The following DYNC2H1 variants were observed in gnomAD, a reference collection of about 807,000 sequenced individuals.
The protein encoded by DYNC2H1 is cytoplasmic dynein 2 heavy chain 1.
Under a neutral mutation model 570.0 loss-of-function variants are expected in DYNC2H1, and 410 were observed. That is an observed-to-expected ratio of 0.72 (90% confidence interval 0.66 to 0.78). DYNC2H1 has a LOEUF of 0.78. DYNC2H1 is among the 30% of genes least tolerant of loss of function. DYNC2H1 has a pLI of 0.00. For missense variants in DYNC2H1, 4,865 were observed against 5,046.4 expected, an observed-to-expected ratio of 0.96 and a Z score of 1.09; for synonymous variants, 1,688 against 1,677.6, an observed-to-expected ratio of 1.01 and a Z score of -0.15.
At chr11:103,345,844 C>T (rs747160774) in intron 82 of DYNC2H1, among the ~76,000 whole-genome samples, 6 of 152,094 alleles carry the variant, frequency 3.9e-5, no homozygotes, top group Non-Finnish European at 2.9e-5. Flanking sequence ...GTTGCAGTAG[C>T]TAATGCTGTT....
chr11:103,437,146 C>G (rs1313900961), intron 85 of DYNC2H1, among the ~76,000 whole-genome samples: 1 of 152,104 alleles, frequency 6.6e-6, no homozygotes, highest in Non-Finnish European at 1.5e-5. Flanking sequence ...AGCAGAGCAC[C>G]TTACGTTTTA....
intron 75 of DYNC2H1, among the ~76,000 whole-genome samples, chr11:103,301,408 T>C (rs1004923436): frequency 5.9e-5 from 9 of 151,984 alleles, no homozygotes; most frequent in Non-Finnish European, 1.3e-4. Flanking sequence ...TCAGACAATA[T>C]ATTTAATTGG....
chr11:103,376,843 A>G (rs10895412), intron 83 of DYNC2H1, among the ~76,000 whole-genome samples: 5,408 of 152,328 alleles, frequency 0.036, 318 homozygotes, highest in African/African-American at 0.12. Flanking sequence ...GAATTACCTC[A>G]GCTTTTAATT....
intron 17 of DYNC2H1, among the ~76,000 whole-genome samples, chr11:103,138,044 A>G (rs940296856): frequency 3.3e-5 from 5 of 150,532 alleles, no homozygotes; most frequent in African/African-American, 1.2e-4. Context: ...TTATTGGTGT[A>G]TAAGAATGCT....
chr11:103,219,991 G>GA lies in DYNC2H1; in HGVS notation c.8915dup (p.Asn2972LysfsTer2). 2 of 1,488,066 alleles carry GA rather than the reference G, an allele frequency of 1.3e-6. No individual in the cohort carries two copies. The highest frequency in any genetic ancestry group is 8.9e-7 in the Non-Finnish European group (1 of 1,127,198). 92.2% of individuals were successfully genotyped at this position (1,488,066 alleles called of 1,614,324 possible). A position where few individuals can be genotyped will look rare whatever the true frequency, so the allele number is the denominator to read the frequency against. On this transcript the variant is annotated frameshift_variant, in exon 56 of 89. Coordinates refer to ENST00000375735, the MANE Select transcript of DYNC2H1 (RefSeq NM_001377.3). LOFTEE classifies it high-confidence loss of function. ...GAAGAAGTTGTTAAAATTGAAGAAA[G>GA]AAAAAATAAAATTGATGATGAATTA...
At chr11:103,130,715 A>G (rs2134756736) in intron 13 of DYNC2H1, among the ~76,000 whole-genome samples, 1 of 152,316 alleles carries the variant, frequency 6.6e-6, no homozygotes, top group South Asian at 2.1e-4. Flanking sequence ...CCTCTAAAGT[A>G]TAGATCATTT....
rs370677208 is a variant in DYNC2H1 at position 103,168,804 on chromosome 11, C to T, written c.4812C>T (p.Ile1604=). 1.4e-4 allele frequency: 233 copies of T among 1,613,154 alleles called. No homozygotes were observed. In the African/African-American group the frequency reaches 2.9e-3, roughly 20 times the overall value. ...TTAAAGCCCTAATTCTTGACATTAT[C>T]CATAATATTGATGTGGTAAAGCAGT... ...LKLKALILDI[I]HNIDVVKQLN... Residue 1604 remains isoleucine, a synonymous_variant, in exon 32 of 89, where the codon ATC becomes ATT. Coordinates refer to ENST00000375735, the MANE Select transcript of DYNC2H1 (RefSeq NM_001377.3).
chr11:103,220,078 A>T (rs748046152), intron 56 of DYNC2H1, 50 bp downstream of exon 56: 1 of 1,024,170 alleles, frequency 9.8e-7, no homozygotes, highest in African/African-American at 1.7e-5. Flanking sequence ...CTTACCAGTT[A>T]TATGTAGGAA....
In DYNC2H1 at chr11:103,179,063, C is replaced by T. The variant is rs180806841; in HGVS notation, c.6177C>T (p.Asp2059=). 32 of 1,612,072 alleles carry T rather than the reference C, an allele frequency of 2.0e-5. No homozygotes were observed. The highest frequency in any genetic ancestry group is 3.3e-4 in the Middle Eastern group (2 of 6,050). Residue 2059 remains aspartate, a synonymous_variant, in exon 39 of 89, where the codon GAC becomes GAT. Coordinates refer to ENST00000375735, the MANE Select transcript of DYNC2H1 (RefSeq NM_001377.3). Reference sequence around the variant, plus strand: ...GGATAATCTGTGATGGTGATATTGACCCTGAATGGATAGAATCTCTGAATT... The same window carrying T: ...GGATAATCTGTGATGGTGATATTGATCCTGAATGGATAGAATCTCTGAATT... ...SSWIICDGDI[D]PEWIESLNSV... is the part of the protein sequence containing the mutation.
At chr11:103,234,558 T>G (rs1864148828) in intron 61 of DYNC2H1, among the ~76,000 whole-genome samples, 1 of 151,996 alleles carries the variant, frequency 6.6e-6, no homozygotes, top group African/African-American at 2.4e-5. Context: ...CTCTTGTTTT[T>G]TCTTGGTTTA....
chr11:103,430,311 A>G (rs1221692837), intron 84 of DYNC2H1, among the ~76,000 whole-genome samples: 2 of 152,156 alleles, frequency 1.3e-5, no homozygotes, highest in South Asian at 2.1e-4. Flanking sequence ...GGTAATAATT[A>G]TACCCACTTC....
Position 103,307,739 on chromosome 11 carries a change from C to T in DYNC2H1, c.11401C>T (p.Pro3801Ser). The change falls in exon 78 of 89, where the codon CCT (proline) becomes TCT (serine). Residue 3801 changes from proline to serine, a missense_variant. By Grantham distance (74) the Pro-to-Ser change is moderately conservative (BLOSUM62 -1). Transcript: ENST00000375735. The stretch of plus-strand genomic sequence containing the variant: ...AAACAAGGAATTGAATACTCTTCAA[C>T]CTAAAGATACCTTTCGTCTTTGGCT... ...VLEKELNTLQ[P>S]KDTFRLWLTA... 1.3e-6 allele frequency: 2 copies of T among 1,597,260 alleles called. No individual in the cohort carries two copies. The highest frequency in any genetic ancestry group is 1.1e-5 in the South Asian group (1 of 87,876).
At chr11:103,367,826 C>T (rs564679620) in intron 83 of DYNC2H1, among the ~76,000 whole-genome samples, 3 of 152,190 alleles carry the variant, frequency 2.0e-5, no homozygotes, top group South Asian at 2.1e-4. Flanking sequence ...ATGTTACCAA[C>T]GTTTTTCCTA....
intron 83 of DYNC2H1, among the ~76,000 whole-genome samples, chr11:103,390,140 T>TAGAG (rs1942075419): frequency 6.6e-6 from 1 of 152,192 alleles, no homozygotes; most frequent in Non-Finnish European, 1.5e-5. Context: ...CTAAGTCTCT[T>TAGAG]TGTAGGTCTC....
At chr11:103,459,958 C>CAA (rs376050088) in intron 87 of DYNC2H1, among the ~76,000 whole-genome samples, 7,642 of 70,138 alleles carry the variant, frequency 0.11, 585 homozygotes, top group Admixed American at 0.18. Flanking sequence ...GACTCCGTCT[C>CAA]AAAAAAAAAA....
At chr11:103,337,676 GTCT>G (rs1361210765) in intron 82 of DYNC2H1, among the ~76,000 whole-genome samples, 3 of 152,140 alleles carry the variant, frequency 2.0e-5, no homozygotes, top group Admixed American at 6.5e-5. Flanking sequence ...TCATTTGCAT[GTCT>G]TCTTTTGAGA....
At chr11:103,386,708 T>A in intron 83 of DYNC2H1, among the ~76,000 whole-genome samples, 1 of 152,116 alleles carries the variant, frequency 6.6e-6, no homozygotes, top group East Asian at 1.9e-4. Flanking sequence ...TGTACATGTG[T>A]TCTCATTGTT....
At chr11:103,449,659 T>C in intron 85 of DYNC2H1, among the ~76,000 whole-genome samples, 1 of 91,538 alleles carries the variant, frequency 1.1e-5, no homozygotes, top group Admixed American at 1.2e-4. Context: ...AGTTTAGAAA[T>C]TATTCATTTT....
Position 103,253,417 on chromosome 11 carries a change from T to C in DYNC2H1, c.10175T>C (p.Phe3392Ser). The change falls in exon 66 of 89, where the codon TTT becomes TCT. Residue 3392 changes from phenylalanine (F) to serine (S), a missense_variant. Physicochemically the swap from Phe to Ser is radical, Grantham distance 155. Coordinates refer to ENST00000375735, the MANE Select transcript of DYNC2H1 (RefSeq NM_001377.3). ...DAASIVTEVN[F>S]TTTRSGLRGQ... ...GCTTCCATTGTTACTGAGGTTAACT[T>C]TACTACAACAAGAAGTGGATTACGA... is the stretch of plus-strand genomic sequence containing the variant. The C allele has an allele frequency of 6.2e-7, 1 of 1,613,136 alleles. No homozygotes were observed. The highest frequency in any genetic ancestry group is 8.5e-7 in the Non-Finnish European group (1 of 1,179,372).
Sources: allele counts gnomAD v4.1 joint callset (sites outside exome capture counted in the v4.1 genomes callset), GRCh38; gene constraint gnomAD v4.1.1; transcripts MANE v1.5; gene names NCBI Gene and HGNC (gene_info 2026-07-23, HGNC 2026-07-21).